EZH2: variants seen among roughly 807,000 people sequenced by gnomAD.
The protein encoded by EZH2 is enhancer of zeste 2 polycomb repressive complex 2 subunit, also known as histone-lysine N-methyltransferase EZH2.
Under a neutral mutation model 98.4 loss-of-function variants are expected in EZH2, and 18 were observed. The ratio of observed to expected loss-of-function variants is 0.18; its 90% CI spans 0.13 to 0.27. The LOEUF (loss-of-function observed/expected upper bound fraction) is 0.27, where lower values mean the gene tolerates loss of function less well. Among genes scored for constraint, EZH2 ranks in the 10% least tolerant of loss-of-function variants. EZH2 has a pLI of 1.00. For missense variants in EZH2, 470 were observed against 935.1 expected (o/e 0.50, Z 6.49); for synonymous variants, 338 against 312.3 (o/e 1.08, Z -0.87).
At position 148,861,929 on chromosome 7, in the gene EZH2, T is replaced by A. The variant is rs138764306; in HGVS notation, c.-7-14624A>T. Among the ~76,000 whole-genome samples, 779 of 152,336 alleles carry A rather than the reference T, an allele frequency of 5.1e-3. 3 individuals carry two copies. The highest frequency in any genetic ancestry group is 0.017 in the Middle Eastern group (5 of 294). ...GCATTCAATCTGTTCCAATATGTTG[T>A]TTTGGTTCAAGTATATGAAGAAAAT... On this transcript the variant is annotated intron_variant, in intron 1 of 19. Transcript: ENST00000320356.
chr7:148,866,158 A>G (rs1169992368), intron 1 of EZH2, among the ~76,000 whole-genome samples: 1 of 152,154 alleles, frequency 6.6e-6, no homozygotes, highest in Non-Finnish European at 1.5e-5. Flanking sequence ...TCACAAATAT[A>G]AACACACTGC....
intron 5 of EZH2, 74 bp from the exon 6 acceptor site, chr7:148,828,954 T>C (rs1808529012): frequency 6.8e-7 from 1 of 1,460,966 alleles, no homozygotes; most frequent in Admixed American, 2.2e-5. Context: ...TTTTTCTACT[T>C]GGACAAAACA....
intron 3 of EZH2, among the ~76,000 whole-genome samples, chr7:148,837,762 A>C (rs1314710295): frequency 6.6e-6 from 1 of 152,126 alleles, no homozygotes; most frequent in Non-Finnish European, 1.5e-5. Flanking sequence ...GGAAGAAAAA[A>C]CCCCATTAAG....
intron 8 of EZH2, among the ~76,000 whole-genome samples, chr7:148,826,127 A>C (rs1005503206): frequency 7.2e-5 from 11 of 152,152 alleles, no homozygotes; most frequent in Non-Finnish European, 1.0e-4. Context: ...TTATTCATCA[A>C]TATCAGCAAT....
intron 14 of EZH2, among the ~76,000 whole-genome samples, chr7:148,814,575 G>A (rs1804045860): frequency 6.6e-6 from 1 of 152,046 alleles, no homozygotes; most frequent in Non-Finnish European, 1.5e-5. Context: ...ACGATTTCTG[G>A]TGCCCAAAAA....
chr7:148,882,978 C>G (rs1821225916), intron 1 of EZH2, among the ~76,000 whole-genome samples: 1 of 152,228 alleles, frequency 6.6e-6, no homozygotes, highest in African/African-American at 2.4e-5. Context: ...AAACTGCTAA[C>G]CGTATAATCT....
intron 1 of EZH2, among the ~76,000 whole-genome samples, chr7:148,881,107 T>G (rs1820893301): frequency 6.6e-6 from 1 of 152,214 alleles, no homozygotes; most frequent in Non-Finnish European, 1.5e-5. Context: ...TCTATCATGA[T>G]TTACAGAAAA....
intron 1 of EZH2, among the ~76,000 whole-genome samples, chr7:148,870,281 G>C (rs1335374788): frequency 6.6e-6 from 1 of 152,074 alleles, no homozygotes; most frequent in African/African-American, 2.4e-5. Context: ...GCCCAAAATG[G>C]GGTTTACAAA....
At chr7:148,874,015 G>C (rs1255264666) in intron 1 of EZH2, among the ~76,000 whole-genome samples, 1 of 152,144 alleles carries the variant, frequency 6.6e-6, no homozygotes, top group East Asian at 1.9e-4. Flanking sequence ...AAGAGGACAG[G>C]CACAGAATCT....
chr7:148,849,299 T>C (rs1815058596), intron 1 of EZH2, among the ~76,000 whole-genome samples: 1 of 152,102 alleles, frequency 6.6e-6, no homozygotes, highest in Admixed American at 6.6e-5. Context: ...CTGAGCTGGA[T>C]TTCAAAAGGC....
chr7:148,808,905 T>C (rs1287777055), intron 19 of EZH2, among the ~76,000 whole-genome samples, 166 bp downstream of exon 19: 2 of 152,154 alleles, frequency 1.3e-5, no homozygotes, highest in African/African-American at 2.4e-5. Flanking sequence ...AATATATAAA[T>C]GGATAATAAA....
At chr7:148,833,894 C>G (rs1810129961) in intron 3 of EZH2, among the ~76,000 whole-genome samples, 2 of 152,144 alleles carry the variant, frequency 1.3e-5, no homozygotes. Flanking sequence ...CCTGCTCTTC[C>G]CGCTCCTTAT....
intron 18 of EZH2, 29 bp downstream of exon 18, chr7:148,809,281 G>A (rs1331970733): frequency 1.9e-6 from 3 of 1,593,664 alleles, no homozygotes; most frequent in South Asian, 2.2e-5. Flanking sequence ...TGAAAAGGGA[G>A]TTCCAATTCT....
chr7:148,839,088 G>GGAAGGAAGGAAAGAAGGAAGGAAA (rs1294002541), intron 3 of EZH2, among the ~76,000 whole-genome samples: 10 of 140,882 alleles, frequency 7.1e-5, no homozygotes, highest in African/African-American at 2.9e-4. Context: ...AAGGAAGGAA[G>GGAAGGAAGGAAAGAAGGAAGGAAA]GAAGGAAGGA....
chr7:148,869,134 G>A lies in EZH2; in HGVS notation c.-8+15030C>T, dbSNP rs115344973. Among the ~76,000 whole-genome samples the A allele has an allele frequency of 9.0e-3, 1,331 of 148,148 alleles. 26 individuals carry two copies. The highest frequency in any genetic ancestry group is 0.032 in the African/African-American group (1,189 of 37,680). On this transcript the variant is annotated intron_variant, in intron 1 of 19. Coordinates refer to ENST00000320356, the MANE Select transcript of EZH2 (RefSeq NM_004456.5). The stretch of plus-strand genomic sequence containing the variant: ...GATAATAGGCTTATAATCAGCATTA[G>A]ATGTTCTATGAATTGACCAACTTGA...
In EZH2 at chr7:148,829,707, GAGA is replaced by G; in HGVS notation, c.484+18_484+20del. 48 of 1,599,112 alleles carry G rather than the reference GAGA, an allele frequency of 3.0e-5. No individual in the cohort carries two copies. The highest frequency in any genetic ancestry group is 4.1e-5 in the Non-Finnish European group (48 of 1,176,128). ...TCAATTCTTTAGCCCCTTTTTCCAA[GAGA>G]AGAAGCATATGGCTCACCTCTATCC... On this transcript the variant is annotated intron_variant, in intron 5 of 19. Coordinates refer to ENST00000320356, the MANE Select transcript of EZH2 (RefSeq NM_004456.5).
chr7:148,866,776 G>A (rs999290053), intron 1 of EZH2, among the ~76,000 whole-genome samples: 5 of 149,400 alleles, frequency 3.3e-5, no homozygotes, highest in South Asian at 4.2e-4. Context: ...GGGCAGTGGC[G>A]TAATTCTGTC....
At chr7:148,863,334 T>C (rs1402275553) in intron 1 of EZH2, among the ~76,000 whole-genome samples, 2 of 152,240 alleles carry the variant, frequency 1.3e-5, no homozygotes, top group East Asian at 1.9e-4. Flanking sequence ...CAAGAGTATA[T>C]GTGAAGAATA....
chr7:148,850,240 A>C (rs994484002), intron 1 of EZH2, among the ~76,000 whole-genome samples: 28 of 151,934 alleles, frequency 1.8e-4, no homozygotes, highest in African/African-American at 6.8e-4. Flanking sequence ...GGATGGTCTC[A>C]ATCTCCTGAC....
Sources: allele counts gnomAD v4.1 joint callset (sites outside exome capture counted in the v4.1 genomes callset), GRCh38; gene constraint gnomAD v4.1.1; transcripts MANE v1.5; gene names NCBI Gene and HGNC (gene_info 2026-07-23, HGNC 2026-07-21).